The following TUBD1 variants were observed in gnomAD, a reference collection of about 807,000 sequenced individuals.
TUBD1 encodes tubulin delta 1.
Under a neutral mutation model 51.2 loss-of-function variants are expected in TUBD1, and 38 were observed. The observed-to-expected ratio is 0.74, with a 90% CI of 0.57 to 0.97. The LOEUF (loss-of-function observed/expected upper bound fraction) is 0.97, where lower values mean the gene tolerates loss of function less well. Ranked by LOEUF, TUBD1 falls within the 50% of genes least tolerant of loss-of-function variation. TUBD1 has a pLI of 0.00. For missense variants in TUBD1, 489 were observed against 538.4 expected, an observed-to-expected ratio of 0.91 and a Z score of 0.91; for synonymous variants, 169 against 178.2, an observed-to-expected ratio of 0.95 and a Z score of 0.41.
At position 59,863,656 on chromosome 17, in the gene TUBD1, A is replaced by T. The variant is rs185557608; in HGVS notation, c.1259+8T>A. 365 of 1,525,046 alleles carry T rather than the reference A, an allele frequency of 2.4e-4. No homozygotes were observed. The African/African-American group carries it at 4.6e-3, about 19-fold the overall frequency. The allele number at this position is 1,525,046 out of a possible 1,614,324, so 94.5% of individuals were successfully genotyped here. A position where few individuals can be genotyped will look rare whatever the true frequency, so the allele number is the denominator to read the frequency against. On this transcript the variant is annotated splice_region_variant and intron_variant, in intron 8 of 8. Transcript: ENST00000325752. ...AAAGAAAGGTTTGTAGACTTATTTT[A>T]TACTTACTTTGAAGCAAACATATTC...
intron 3 of TUBD1, among the ~76,000 whole-genome samples, chr17:59,881,351 C>T (rs2040481204): frequency 6.6e-6 from 1 of 152,144 alleles, no homozygotes; most frequent in Non-Finnish European, 1.5e-5. Flanking sequence ...TATTTATATC[C>T]TATTGCTCAA....
At chr17:59,872,110 C>T (rs545846920) in intron 6 of TUBD1, among the ~76,000 whole-genome samples, 79 of 152,186 alleles carry the variant, frequency 5.2e-4, no homozygotes, top group African/African-American at 1.7e-3. Context: ...TGTGCCATCA[C>T]GCCTCGCTAA....
intron 4 of TUBD1, among the ~76,000 whole-genome samples, chr17:59,879,048 G>A (rs899522006): frequency 7.9e-5 from 12 of 152,086 alleles, no homozygotes; most frequent in Non-Finnish European, 1.6e-4. Context: ...GCTGAGGTGG[G>A]TGGATCACCT....
At chr17:59,886,356 A>C (rs1218003414) in intron 2 of TUBD1, 126 bp from the exon 3 acceptor site, 4 of 1,010,544 alleles carry the variant, frequency 4.0e-6, no homozygotes, top group Non-Finnish European at 5.6e-6. Flanking sequence ...GGTTGTGGTT[A>C]GAAAGATCTG....
intron 6 of TUBD1, among the ~76,000 whole-genome samples, chr17:59,871,626 G>C (rs959753895): frequency 2.0e-5 from 3 of 152,238 alleles, no homozygotes; most frequent in African/African-American, 7.2e-5. Context: ...AGGAGGTACA[G>C]ATATAAATCA....
intron 2 of TUBD1, among the ~76,000 whole-genome samples, chr17:59,888,686 T>G (rs1354766667): frequency 6.6e-6 from 1 of 151,426 alleles, no homozygotes; most frequent in Non-Finnish European, 1.5e-5. Flanking sequence ...AAAAGTGGGG[T>G]GACTAGGAGA....
At chr17:59,886,911 G>A (rs1259518560) in intron 2 of TUBD1, among the ~76,000 whole-genome samples, 1 of 152,024 alleles carries the variant, frequency 6.6e-6, no homozygotes, top group African/African-American at 2.4e-5. Context: ...TTGGCCAGGT[G>A]CGGTGGCTCA....
intron 5 of TUBD1, among the ~76,000 whole-genome samples, chr17:59,877,553 G>A (rs1021454511): frequency 2.6e-5 from 4 of 152,080 alleles, no homozygotes; most frequent in Non-Finnish European, 4.4e-5. Context: ...AGGCCGAGGC[G>A]GGTGGATCAT....
chr17:59,869,386 G>A (rs1341127126), intron 6 of TUBD1, among the ~76,000 whole-genome samples: 2 of 151,264 alleles, frequency 1.3e-5, no homozygotes, highest in African/African-American at 4.9e-5. Flanking sequence ...TGAGGCAAAA[G>A]AATCGCTTCA....
rs767386691 is a variant in TUBD1 at position 59,878,286 on chromosome 17, G to A, written c.586C>T (p.Arg196Ter). ...NSILTLSHLY[R>*]SSDALLLHEN... ...TGAAGAAGGAGGGCGTCTGAAGATC[G>A]GTACAAGTGAGAAAGTGTCAAAATG... Residue 196 changes from arginine to a stop codon, truncating the protein, a stop_gained, in exon 5 of 9, where the codon CGA becomes TGA. Transcript: ENST00000325752. LOFTEE classifies it high-confidence loss of function. The A allele has an allele frequency of 1.1e-5, 17 of 1,613,886 alleles. No homozygotes were observed. The highest frequency in any genetic ancestry group is 9.4e-5 in the African/African-American group (7 of 74,852).
rs562333309 is a variant in TUBD1 at position 59,880,523 on chromosome 17, A to AT, written c.537+370dup. On this transcript the variant is annotated intron_variant, in intron 4 of 8. Coordinates refer to ENST00000325752, the MANE Select transcript of TUBD1 (RefSeq NM_016261.4). ...GCACAATCTTTATTTTTATTTATTT[A>AT]TTTTTTTTTGAGACGGAGTCTTGCT... 6.0e-5 allele frequency among the ~76,000 whole-genome samples: 9 copies of AT among 151,230 alleles called. No individual in the cohort carries two copies. In the South Asian group the frequency reaches 6.3e-4, roughly 11 times the overall value.
intron 3 of TUBD1, chr17:59,885,145 C>T (rs761956062): frequency 2.8e-5 from 10 of 355,592 alleles, no homozygotes; most frequent in Middle Eastern, 3.9e-4. Context: ...TATCCTAGGA[C>T]GCCAAAAGGA....
intron 6 of TUBD1, among the ~76,000 whole-genome samples, chr17:59,871,427 T>C (rs1598522162): frequency 6.6e-6 from 1 of 152,252 alleles, no homozygotes; most frequent in East Asian, 1.9e-4. Context: ...TCTCGATCTC[T>C]GACCTCATGT....
chr17:59,876,163 T>C lies in TUBD1; in HGVS notation c.770-1460A>G, dbSNP rs538245276. On this transcript the variant is annotated intron_variant, in intron 5 of 8. Coordinates refer to ENST00000325752, the MANE Select transcript of TUBD1 (RefSeq NM_016261.4). ...TATAGAATAGTCAGAAAATAATTCATGAGCACTAAGGCATGAATTCTTTTT... is the reference window on the plus strand; with the variant it reads ...TATAGAATAGTCAGAAAATAATTCACGAGCACTAAGGCATGAATTCTTTTT... 4.7e-5 allele frequency among the ~76,000 whole-genome samples: 7 copies of C among 149,124 alleles called. No homozygotes were observed. The South Asian group carries it at 1.3e-3, about 27-fold the overall frequency.
intron 6 of TUBD1, among the ~76,000 whole-genome samples, chr17:59,872,045 C>T (rs1485019845): frequency 6.6e-6 from 1 of 152,078 alleles, no homozygotes; most frequent in Non-Finnish European, 1.5e-5. Flanking sequence ...CCTCTGCCTC[C>T]TGAGTTCAAG....
At chr17:59,860,964 G>A (rs1049133141) in intron 8 of TUBD1, among the ~76,000 whole-genome samples, 3 of 151,946 alleles carry the variant, frequency 2.0e-5, no homozygotes, top group South Asian at 2.1e-4. Flanking sequence ...ACCCGGGAAA[G>A]AGCAGCATGT....
intron 6 of TUBD1, among the ~76,000 whole-genome samples, chr17:59,869,784 A>G (rs748140839): frequency 6.6e-6 from 1 of 152,232 alleles, no homozygotes; most frequent in Non-Finnish European, 1.5e-5. Flanking sequence ...CTCATAGTAT[A>G]AAAGCCTAAC....
In TUBD1 at chr17:59,892,859, T is replaced by A. The variant is rs1291162013; in HGVS notation, c.-202A>T. 1 of 308,982 alleles carries A rather than the reference T, an allele frequency of 3.2e-6. No homozygotes were observed. Among genetic ancestry groups the A allele is most frequent in the African/African-American group, 2.1e-5 (1 of 47,942 alleles). 19.1% of individuals were successfully genotyped at this position (308,982 alleles called of 1,614,324 possible). A position where few individuals can be genotyped will look rare whatever the true frequency, so the allele number is the denominator to read the frequency against. On this transcript the variant is annotated 5_prime_UTR_variant, in exon 1 of 9. It removes the in-frame stop codon of an upstream open reading frame in the 5' UTR. Coordinates refer to ENST00000325752, the MANE Select transcript of TUBD1 (RefSeq NM_016261.4). ...TATATTTTTTCCTATTCAGAAAGAT[T>A]AATTACGCATGTTCAATTTCAATTT...
chr17:59,872,708 G>GTGTGTC (rs1372774902), intron 6 of TUBD1, among the ~76,000 whole-genome samples: 4 of 146,138 alleles, frequency 2.7e-5, no homozygotes, highest in African/African-American at 1.1e-4. Flanking sequence ...GTGTGTGTGT[G>GTGTGTC]TGTGTGTGTG....
Sources: gnomAD v4.1 joint callset for allele counts (sites outside exome capture counted in the v4.1 genomes callset) on GRCh38, gnomAD v4.1.1 for gene constraint, MANE v1.5 for transcripts, NCBI Gene and HGNC (gene_info 2026-07-23, HGNC 2026-07-21) for gene names.